The following KMT2E variants were observed in gnomAD, a reference collection of about 807,000 sequenced individuals.
The protein encoded by KMT2E is histone reader KMT2E.
KMT2E carries 30 observed loss-of-function variants against 184.6 expected under a neutral mutation model. The ratio of observed to expected loss-of-function variants is 0.16; its 90% confidence interval spans 0.12 to 0.22. KMT2E has a LOEUF of 0.22. Ranked by LOEUF, KMT2E falls within the 10% of genes least tolerant of loss-of-function variation. The probability of loss-of-function intolerance (pLI) is 1.00; values close to 1 mark genes in which losing one functional copy is unlikely to be tolerated. For synonymous variants in KMT2E, 815 were observed against 776.5 expected, an observed-to-expected ratio of 1.05 and a Z score of -0.82; for missense variants, 2,023 against 2,237.4, an observed-to-expected ratio of 0.90 and a Z score of 1.93.
chr7:105,017,760 G>A (rs1215130517), intron 1 of KMT2E, among the ~76,000 whole-genome samples: 2 of 152,106 alleles, frequency 1.3e-5, no homozygotes, highest in African/African-American at 4.8e-5. Context: ...AATGTAATTG[G>A]AGAGTTAATT....
At chr7:105,087,676 GGCCTCCCAAAGT>G (rs982018799) in intron 13 of KMT2E, among the ~76,000 whole-genome samples, 3 of 151,810 alleles carry the variant, frequency 2.0e-5, no homozygotes, top group Admixed American at 6.6e-5. Flanking sequence ...CACCTGCCTC[GGCCTCCCAAAGT>G]GCTGGGATTA....
rs116558602 is a variant in KMT2E at position 105,021,667 on chromosome 7, G to C, written c.-189+7132G>C. Among the ~76,000 whole-genome samples the C allele has an allele frequency of 7.9e-3, 1,167 of 147,182 alleles. 21 individuals carry two copies. Among genetic ancestry groups the C allele is most frequent in the African/African-American group, 0.029 (1,130 of 39,524 alleles). ...AGTTAGAGAGATGGTGGTGGGGTGG[G>C]TGTTCATGGTTTGTAGAGTGGCGTT... On this transcript the variant is annotated intron_variant, in intron 1 of 26. Coordinates refer to ENST00000311117, the MANE Select transcript of KMT2E (RefSeq NM_182931.3).
At chr7:105,109,497 C>T (rs555889296) in intron 23 of KMT2E, among the ~76,000 whole-genome samples, 1 of 152,304 alleles carries the variant, frequency 6.6e-6, no homozygotes, top group Admixed American at 6.5e-5. Flanking sequence ...CTGCAGACTT[C>T]CTTTATAACC....
intron 15 of KMT2E, among the ~76,000 whole-genome samples, chr7:105,097,260 G>C (rs1798447780): frequency 6.6e-6 from 1 of 152,100 alleles, no homozygotes; most frequent in African/African-American, 2.4e-5. Context: ...TCCCTGTTCT[G>C]TCCTCCGTTG....
chr7:105,048,680 A>C (rs1051959366), intron 3 of KMT2E, among the ~76,000 whole-genome samples: 4 of 152,220 alleles, frequency 2.6e-5, no homozygotes, highest in Non-Finnish European at 4.4e-5. Context: ...TAAAGGGCTA[A>C]AGAATAAATA....
chr7:105,064,169 T>TTTTTG (rs1796937294), intron 5 of KMT2E: 1 of 217,186 alleles, frequency 4.6e-6, no homozygotes, highest in Non-Finnish European at 8.9e-6. Flanking sequence ...TCTTGGTTTT[T>TTTTTG]TTTTTTTTTT....
chr7:105,031,701 G>A (rs1280772818), intron 1 of KMT2E, among the ~76,000 whole-genome samples: 3 of 151,642 alleles, frequency 2.0e-5, no homozygotes, highest in Non-Finnish European at 4.4e-5. Flanking sequence ...GCAGTGACTC[G>A]AGATTGTGCT....
At chr7:105,051,071 C>G (rs1796321611) in intron 3 of KMT2E, among the ~76,000 whole-genome samples, 1 of 148,786 alleles carries the variant, frequency 6.7e-6, no homozygotes, top group South Asian at 2.1e-4. Context: ...TTCTTTCTTT[C>G]TTTCTTCTTC....
chr7:105,081,495 A>G (rs1797764374), intron 12 of KMT2E, among the ~76,000 whole-genome samples, 193 bp from the exon 13 acceptor site: 1 of 151,722 alleles, frequency 6.6e-6, no homozygotes, highest in African/African-American at 2.4e-5. Context: ...GTGGCAGTGG[A>G]TAGCAGTATA....
chr7:105,085,990 A>G (rs1797947674), intron 13 of KMT2E, among the ~76,000 whole-genome samples: 7 of 152,242 alleles, frequency 4.6e-5, no homozygotes, highest in Admixed American at 3.3e-4. Flanking sequence ...TGATTTCTTT[A>G]ACATTTTACT....
intron 5 of KMT2E, among the ~76,000 whole-genome samples, chr7:105,064,395 A>G (rs1403048072): frequency 6.6e-6 from 1 of 151,844 alleles, no homozygotes. Flanking sequence ...GTGATGCAGT[A>G]TGGCATATAC....
rs1039514642 is a variant in KMT2E at position 105,014,243 on chromosome 7, C to T, written c.-481C>T. The T allele has an allele frequency of 2.1e-5, 4 of 186,112 alleles. No homozygotes were observed. The highest frequency in any genetic ancestry group is 1.6e-4 in the East Asian group (1 of 6,222). 11.5% of individuals were successfully genotyped at this position (186,112 alleles called of 1,614,324 possible). ...GTGACACTGAGCGGGCGCAGGGGGCCGAGTCGGAGACCGTGCCGGAGTTCG... is the reference window on the plus strand; with the variant it reads ...GTGACACTGAGCGGGCGCAGGGGGCTGAGTCGGAGACCGTGCCGGAGTTCG... On this transcript the variant is annotated 5_prime_UTR_variant, in exon 1 of 27. Coordinates refer to ENST00000311117, the MANE Select transcript of KMT2E (RefSeq NM_182931.3).
intron 1 of KMT2E, among the ~76,000 whole-genome samples, chr7:105,021,221 A>G (rs562763200): frequency 6.6e-6 from 1 of 152,228 alleles, no homozygotes; most frequent in Non-Finnish European, 1.5e-5. Context: ...TCTTACCCAG[A>G]AAATAAGTCT....
rs1799182705 is a variant in KMT2E at position 105,110,540 on chromosome 7, C to T, written c.3908C>T (p.Ser1303Leu). The T allele has an allele frequency of 6.2e-7, 1 of 1,614,042 alleles. No individual in the cohort carries two copies. Among genetic ancestry groups the T allele is most frequent in the African/African-American group, 1.3e-5 (1 of 74,918 alleles). ...GTTCAGTCTTCACCTTCATCTCATT[C>T]AAATCACATACCCCAGTTGCAAGCT... ...SHVQSSPSSH[S>L]NHIPQLQAKG... Residue 1303 changes from serine to leucine, a missense_variant, in exon 25 of 27, where the codon TCA becomes TTA. Transcript: ENST00000311117.
rs1469087945 is a variant in KMT2E at position 105,113,474 on chromosome 7, T to C, written c.*141T>C. 2.0e-6 allele frequency: 2 copies of C among 984,538 alleles called. No individual in the cohort carries two copies. The highest frequency in any genetic ancestry group is 3.3e-5 in the Admixed American group (1 of 29,974). The allele number at this position is 984,538 out of a possible 1,614,324, so 61.0% of individuals were successfully genotyped here. ...GTGCTCTTTCGTTGTATTTTTCTCA[T>C]TTTTGCTTTTTAAAATTCCTTTAAA... On this transcript the variant is annotated 3_prime_UTR_variant, in exon 27 of 27. Transcript: ENST00000311117.
At chr7:105,028,869 T>C (rs1013501703) in intron 1 of KMT2E, among the ~76,000 whole-genome samples, 4 of 152,124 alleles carry the variant, frequency 2.6e-5, no homozygotes, top group Non-Finnish European at 5.9e-5. Context: ...TGAATTAAAG[T>C]CATTTGAAAA....
chr7:105,075,562 C>T (rs1797492309), intron 8 of KMT2E, among the ~76,000 whole-genome samples: 1 of 152,138 alleles, frequency 6.6e-6, no homozygotes, highest in South Asian at 2.1e-4. Context: ...CTAACACCCT[C>T]CCAATTTTTA....
Position 105,077,449 on chromosome 7 carries a change from T to A in KMT2E, c.1130+16T>A, listed in dbSNP as rs753117974. 114 of 1,584,642 alleles carry A rather than the reference T, an allele frequency of 7.2e-5. No individual in the cohort carries two copies. The highest frequency in any genetic ancestry group is 9.3e-5 in the Non-Finnish European group (108 of 1,163,044). On this transcript the variant is annotated intron_variant, in intron 11 of 26. Coordinates refer to ENST00000311117, the MANE Select transcript of KMT2E (RefSeq NM_182931.3). ...TCTTTAAAAGGTATATTCATTTATT[T>A]TCCCATGTTCATTTTCTGTAGGTAA... is the stretch of plus-strand genomic sequence containing the variant.
At chr7:105,086,902 T>TAGC (rs1584778440) in intron 13 of KMT2E, among the ~76,000 whole-genome samples, 2 of 79,174 alleles carry the variant, frequency 2.5e-5, no homozygotes, top group Non-Finnish European at 4.0e-5. Context: ...GCATATATAT[T>TAGC]ATATATTATA....
Sources: allele counts gnomAD v4.1 joint callset (sites outside exome capture counted in the v4.1 genomes callset), GRCh38; gene constraint gnomAD v4.1.1; transcripts MANE v1.5; gene names NCBI Gene and HGNC (gene_info 2026-07-23, HGNC 2026-07-21).